Variants in MECOM observed in about 807,000 individuals in gnomAD.
The protein encoded by MECOM is histone-lysine N-methyltransferase MECOM.
Under a neutral mutation model 116.3 loss-of-function variants are expected in MECOM, and 13 were observed. That is an observed-to-expected ratio of 0.11 (90% CI 0.07 to 0.18). MECOM has a LOEUF of 0.18. MECOM is among the 10% of genes least tolerant of loss of function. MECOM has a pLI of 1.00. For missense variants in MECOM, 1,299 were observed against 1,509.0 expected (o/e 0.86, Z 2.31); for synonymous variants, 528 against 535.2 (o/e 0.99, Z 0.19).
At chr3:169,604,051 T>C (rs1184123317) in intron 1 of MECOM, among the ~76,000 whole-genome samples, 2 of 152,196 alleles carry the variant, frequency 1.3e-5, no homozygotes, top group Non-Finnish European at 1.5e-5. Context: ...AATTGCCTTT[T>C]TCTCTAAGCG....
intron 1 of MECOM, among the ~76,000 whole-genome samples, chr3:169,610,880 G>T (rs866547016): frequency 6.6e-6 from 1 of 152,178 alleles, no homozygotes; most frequent in Non-Finnish European, 1.5e-5. Flanking sequence ...TGCACAAAAG[G>T]TGTTTGCTGA....
chr3:169,191,597 AAG>A (rs984412501), intron 2 of MECOM, among the ~76,000 whole-genome samples: 3 of 151,452 alleles, frequency 2.0e-5, no homozygotes, highest in Admixed American at 2.0e-4. Context: ...GGAAGAAAGA[AAG>A]AACGAAGGAA....
At chr3:169,320,825 A>C (rs1720719353) in intron 2 of MECOM, among the ~76,000 whole-genome samples, 1 of 152,176 alleles carries the variant, frequency 6.6e-6, no homozygotes, top group East Asian at 1.9e-4. Context: ...CTTCATTATT[A>C]CAGGAAGACA....
intron 2 of MECOM, among the ~76,000 whole-genome samples, chr3:169,184,874 AT>A (rs775753851): frequency 2.0e-5 from 3 of 152,232 alleles, no homozygotes; most frequent in Non-Finnish European, 4.4e-5. Flanking sequence ...AGGCAGAGTG[AT>A]TTGAATTAAG....
intron 2 of MECOM, among the ~76,000 whole-genome samples, chr3:169,377,541 C>T (rs1398079627): frequency 6.6e-6 from 1 of 152,160 alleles, no homozygotes. Flanking sequence ...CAAAAGAAGA[C>T]ATTTATGTGG....
At chr3:169,266,601 G>A (rs745819320) in intron 2 of MECOM, among the ~76,000 whole-genome samples, 1 of 152,140 alleles carries the variant, frequency 6.6e-6, no homozygotes, top group Non-Finnish European at 1.5e-5. Context: ...AGAGACAATA[G>A]TTTCTTAGCT....
intron 1 of MECOM, among the ~76,000 whole-genome samples, chr3:169,559,477 C>T (rs556704560): frequency 2.0e-5 from 3 of 152,284 alleles, no homozygotes; most frequent in Non-Finnish European, 2.9e-5. Flanking sequence ...TTCTACTATA[C>T]GTCTGTAAAC....
intron 3 of MECOM, among the ~76,000 whole-genome samples, chr3:169,140,768 G>A (rs1737857688): frequency 6.6e-6 from 1 of 151,686 alleles, no homozygotes; most frequent in Non-Finnish European, 1.5e-5. Flanking sequence ...TAAATAAAAT[G>A]CTGGTAGAAA....
intron 2 of MECOM, among the ~76,000 whole-genome samples, chr3:169,274,891 A>G (rs948972331): frequency 2.3e-4 from 35 of 152,220 alleles, no homozygotes; most frequent in Admixed American, 2.3e-3. Context: ...GTAATCATAG[A>G]TATAAAATAT....
chr3:169,545,913 A>G (rs1213217424), intron 1 of MECOM, among the ~76,000 whole-genome samples: 1 of 151,978 alleles, frequency 6.6e-6, no homozygotes, highest in Non-Finnish European at 1.5e-5. Context: ...TCTTTTTCTA[A>G]TGGCCCTCAA....
intron 1 of MECOM, among the ~76,000 whole-genome samples, chr3:169,398,512 C>A (rs1037171270): frequency 3.3e-5 from 5 of 152,194 alleles, no homozygotes; most frequent in Non-Finnish European, 5.9e-5. Flanking sequence ...CTTCAACCTT[C>A]TTCACAAAAA....
intron 2 of MECOM, among the ~76,000 whole-genome samples, chr3:169,366,923 A>G (rs1040329303): frequency 1.3e-5 from 2 of 152,078 alleles, no homozygotes; most frequent in African/African-American, 4.8e-5. Context: ...CACATCTTCT[A>G]TGAAAGGAAA....
At chr3:169,339,269 T>C (rs1724082249) in intron 2 of MECOM, among the ~76,000 whole-genome samples, 1 of 152,226 alleles carries the variant, frequency 6.6e-6, no homozygotes, top group Non-Finnish European at 1.5e-5. Flanking sequence ...TTTTCAAAAA[T>C]GTGGTCATTT....
At chr3:169,632,249 C>T (rs1353096452) in intron 1 of MECOM, among the ~76,000 whole-genome samples, 8 of 151,720 alleles carry the variant, frequency 5.3e-5, no homozygotes, top group Admixed American at 5.3e-4. Context: ...CAAAATAAAG[C>T]TATGTGAAAA....
intron 2 of MECOM, among the ~76,000 whole-genome samples, chr3:169,252,088 T>C (rs544368198): frequency 2.5e-4 from 38 of 152,274 alleles, no homozygotes; most frequent in African/African-American, 8.9e-4. Flanking sequence ...AATTACACTA[T>C]CATAAATGTA....
Position 169,652,882 on chromosome 3 carries a change from C to G in MECOM, c.37+10454G>C, listed in dbSNP as rs543374748. Among the ~76,000 whole-genome samples the G allele has an allele frequency of 2.6e-5, 4 of 152,276 alleles. No individual in the cohort carries two copies. In the South Asian group the frequency reaches 8.3e-4, roughly 32 times the overall value. On this transcript the variant is annotated intron_variant, in intron 1 of 16. Coordinates refer to ENST00000651503, the MANE Select transcript of MECOM (RefSeq NM_004991.4). The stretch of plus-strand genomic sequence containing the variant: ...TAGGTAAAAACTTGGCTTCTGATGA[C>G]TTGTAAACTGAATATTCCCAAATCC...
intron 12 of MECOM, among the ~76,000 whole-genome samples, chr3:169,099,368 A>T (rs777191705): frequency 2.1e-4 from 32 of 152,206 alleles, no homozygotes; most frequent in Non-Finnish European, 4.6e-4. Context: ...ATTTCTGGTA[A>T]TATAATTTTC....
intron 1 of MECOM, among the ~76,000 whole-genome samples, chr3:169,457,142 C>G (rs973535767): frequency 2.0e-5 from 3 of 152,174 alleles, no homozygotes; most frequent in Admixed American, 6.6e-5. Flanking sequence ...AACCAGCTCC[C>G]CTGCTGGGGC....
In MECOM at chr3:169,427,053, A is replaced by T. The variant is rs79630806; in HGVS notation, c.38-45529T>A. On this transcript the variant is annotated intron_variant, in intron 1 of 16. Transcript: ENST00000651503. ...TACTTTTTTTCAATAACAAGCATGG[A>T]TATATAACAGAGAGCTTCTCAAGGT... is the stretch of plus-strand genomic sequence containing the variant. Among the ~76,000 whole-genome samples the T allele has an allele frequency of 3.5e-3, 528 of 152,268 alleles. 8 individuals carry two copies. The East Asian group carries it at 0.048, about 14-fold the overall frequency.
Sources: allele counts gnomAD v4.1 joint callset (sites outside exome capture counted in the v4.1 genomes callset), GRCh38; gene constraint gnomAD v4.1.1; transcripts MANE v1.5; gene names NCBI Gene and HGNC (gene_info 2026-07-23, HGNC 2026-07-21).